CD244: variants seen among roughly 807,000 people sequenced by gnomAD.
CD244 encodes the protein natural killer cell receptor 2B4.
Under a neutral mutation model 45.5 loss-of-function variants are expected in CD244, and 20 were observed. The observed-to-expected ratio is 0.44, with a 90% CI of 0.31 to 0.64. The LOEUF is 0.64. Among genes scored for constraint, CD244 ranks in the 30% least tolerant of loss-of-function variants. The pLI is 0.08. For synonymous variants in CD244, 185 were observed against 160.5 expected (o/e 1.15, Z -1.15); for missense variants, 407 against 426.9 (o/e 0.95, Z 0.41).
At chr1:160,854,664 C>A (rs758565088) in intron 1 of CD244, among the ~76,000 whole-genome samples, 1 of 151,882 alleles carries the variant, frequency 6.6e-6, no homozygotes, top group Non-Finnish European at 1.5e-5. Context: ...AAAGTTCTGG[C>A]GTGAGCCACC....
chr1:160,843,358 C>G (rs1269512717), intron 1 of CD244, among the ~76,000 whole-genome samples: 1 of 152,144 alleles, frequency 6.6e-6, no homozygotes, highest in East Asian at 1.9e-4. Context: ...TTTATAAGAA[C>G]AAGTCAACCT....
intron 3 of CD244, 65 bp from the exon 4 acceptor site, chr1:160,839,114 C>A: frequency 1.6e-6 from 2 of 1,216,562 alleles, no homozygotes; most frequent in Non-Finnish European, 1.2e-6. Flanking sequence ...TCCCACCTGC[C>A]TGCTGCAGGG....
At chr1:160,842,032 C>T in intron 1 of CD244, 131 bp from the exon 2 acceptor site, 1 of 664,620 alleles carries the variant, frequency 1.5e-6, no homozygotes, top group Non-Finnish European at 2.6e-6. Flanking sequence ...CTAGGAGCAC[C>T]TTAAAGCATA....
chr1:160,832,613 A>G, intron 7 of CD244, 38 bp from the exon 8 acceptor site: 1 of 1,609,192 alleles, frequency 6.2e-7, no homozygotes, highest in South Asian at 1.1e-5. Context: ...TAACTTCGAG[A>G]TAAGTGCTCT....
chr1:160,848,221 T>C, intron 1 of CD244: 1 of 546,254 alleles, frequency 1.8e-6, no homozygotes, highest in Non-Finnish European at 3.6e-6. Context: ...CACACCATAA[T>C]GGCACTGGTG....
rs1244249972 is a variant in CD244 at position 160,831,429 on chromosome 1, T to C, written c.1018-2A>G. On this transcript the variant is annotated splice_acceptor_variant, in intron 8 of 8. Coordinates refer to ENST00000368034, the MANE Select transcript of CD244 (RefSeq NM_016382.4). LOFTEE classifies it high-confidence loss of function. ...GGCTTTAGGTTGACTCTTTCCAATC[T>C]GCAAAAGAAAAGGAGAAACTTCAGA... is the stretch of plus-strand genomic sequence containing the variant. 3 of 1,612,232 alleles carry C rather than the reference T, an allele frequency of 1.9e-6. No homozygotes were observed. Among genetic ancestry groups the C allele is most frequent in the Non-Finnish European group, 2.5e-6 (3 of 1,178,276 alleles).
Position 160,839,020 on chromosome 1 carries a change from T to C in CD244, c.685A>G (p.Ile229Val), listed in dbSNP as rs76030314. The C allele has an allele frequency of 1.3e-3, 2,044 of 1,613,928 alleles. 37 individuals are homozygous for C. The African/African-American group carries it at 0.024, about 19-fold the overall frequency. The change falls in exon 4 of 9, where the codon ATC (isoleucine) becomes GTC (valine). Residue 229 changes from isoleucine (I) to valine (V), a missense_variant. Ile to Val is a conservative substitution (Grantham distance 29, BLOSUM62 3). Coordinates refer to ENST00000368034, the MANE Select transcript of CD244 (RefSeq NM_016382.4). ...EFRFWPFLVI[I>V]VILSALFLGT... ...AGGAACAGTGCGCTTAGAATCACGATGATCACCAAAAACGGCCAAAATCTG... is the reference window on the plus strand; with the variant it reads ...AGGAACAGTGCGCTTAGAATCACGACGATCACCAAAAACGGCCAAAATCTG...
rs749729819 is a variant in CD244, at chr1:160,831,389, T to C, written c.1056A>G (p.Arg352=). ...KSQPKAQNPA[R]LSRKELENFD... is the part of the protein sequence containing the mutation. ...AGTTCTCCAGCTCTTTGCGGCTCAA[T>C]CGAGCAGGGTTCTGGGCTTTAGGTT... Residue 352 remains arginine (R), a synonymous_variant, in exon 9 of 9, where the codon CGA becomes CGG. Transcript: ENST00000368034. 1 of 1,614,156 alleles carries C rather than the reference T, an allele frequency of 6.2e-7. No homozygotes were observed. Among genetic ancestry groups the C allele is most frequent in the South Asian group, 1.1e-5 (1 of 91,088 alleles).
intron 1 of CD244, among the ~76,000 whole-genome samples, chr1:160,853,243 G>T (rs1358710610): frequency 6.6e-6 from 1 of 152,180 alleles, no homozygotes; most frequent in African/African-American, 2.4e-5. Context: ...TCACCACAAT[G>T]ATGAGTATTA....
At chr1:160,859,638 G>C (rs1670223669) in intron 1 of CD244, among the ~76,000 whole-genome samples, 1 of 151,768 alleles carries the variant, frequency 6.6e-6, no homozygotes. Context: ...TAGGCATGAT[G>C]GCTCACACTT....
At chr1:160,844,882 C>T (rs1272146393) in intron 1 of CD244, among the ~76,000 whole-genome samples, 4 of 151,964 alleles carry the variant, frequency 2.6e-5, no homozygotes, top group Non-Finnish European at 4.4e-5. Context: ...GTCTGAGGCA[C>T]GAGAACTGCT....
chr1:160,853,866 T>C (rs1169714345), intron 1 of CD244, among the ~76,000 whole-genome samples: 1 of 150,016 alleles, frequency 6.7e-6, no homozygotes, highest in Non-Finnish European at 1.5e-5. Context: ...GAATGTGCTA[T>C]GGAGGTGTGC....
chr1:160,844,949 C>T (rs1448440514), intron 1 of CD244, among the ~76,000 whole-genome samples: 4 of 138,974 alleles, frequency 2.9e-5, no homozygotes, highest in Admixed American at 6.8e-5. Context: ...TGCACTCTAG[C>T]CTGCATGACA....
intron 5 of CD244, 61 bp downstream of exon 5, chr1:160,838,390 A>T: frequency 8.4e-7 from 1 of 1,184,796 alleles, no homozygotes; most frequent in Non-Finnish European, 1.3e-6. Flanking sequence ...CTGAATAACC[A>T]TCATTGAAAG....
chr1:160,834,387 G>A (rs903111768), intron 6 of CD244, among the ~76,000 whole-genome samples: 20 of 152,048 alleles, frequency 1.3e-4, no homozygotes, highest in African/African-American at 3.9e-4. Context: ...CAAGAGTTTC[G>A]CTCTATTGCC....
At chr1:160,860,213 A>T (rs1308535605) in intron 1 of CD244, among the ~76,000 whole-genome samples, 1 of 152,154 alleles carries the variant, frequency 6.6e-6, no homozygotes, top group African/African-American at 2.4e-5. Flanking sequence ...ATCTCTAAAA[A>T]ATAATAATAA....
intron 1 of CD244, among the ~76,000 whole-genome samples, chr1:160,861,776 G>A (rs1670315737): frequency 6.6e-6 from 1 of 152,176 alleles, no homozygotes; most frequent in South Asian, 2.1e-4. Context: ...GGCAGAGTTT[G>A]TAGTGAGCCA....
intron 1 of CD244, among the ~76,000 whole-genome samples, chr1:160,861,421 GC>G (rs1367503416): frequency 8.5e-5 from 13 of 152,264 alleles, no homozygotes; most frequent in African/African-American, 3.1e-4. Flanking sequence ...CTTCTACCTG[GC>G]CCTGAACCCA....
intron 1 of CD244, among the ~76,000 whole-genome samples, chr1:160,845,175 A>G (rs1464186320): frequency 1.3e-5 from 2 of 152,172 alleles, no homozygotes; most frequent in Non-Finnish European, 2.9e-5. Flanking sequence ...ATTATGCAGC[A>G]ATAGTTACCT....
Sources: allele counts gnomAD v4.1 joint callset (sites outside exome capture counted in the v4.1 genomes callset), GRCh38; gene constraint gnomAD v4.1.1; transcripts MANE v1.5; gene names NCBI Gene and HGNC (gene_info 2026-07-23, HGNC 2026-07-21).